The following RAD51B variants were observed in gnomAD, a reference collection of about 807,000 sequenced individuals.
RAD51B encodes DNA repair protein RAD51 homolog 2.
RAD51B carries 38 observed loss-of-function variants against 42.2 expected under a neutral mutation model. The ratio of observed to expected loss-of-function variants is 0.90; its 90% CI spans 0.70 to 1.18. The LOEUF (loss-of-function observed/expected upper bound fraction) is 1.18. Ranked by LOEUF, RAD51B falls within the 50% of genes most tolerant of loss-of-function variation. The pLI is 0.00. For synonymous variants in RAD51B, 154 were observed against 145.2 expected (o/e 1.06, Z -0.43); for missense variants, 373 against 400.7 (o/e 0.93, Z 0.59).
intron 10 of RAD51B, among the ~76,000 whole-genome samples, chr14:68,633,731 G>A (rs992182626): frequency 6.6e-6 from 1 of 152,260 alleles, no homozygotes; most frequent in Non-Finnish European, 1.5e-5. Flanking sequence ...GCTGGAGCTC[G>A]TGGGGCTACC....
chr14:68,637,008 T>A (rs937065263), intron 10 of RAD51B, among the ~76,000 whole-genome samples: 6 of 152,252 alleles, frequency 3.9e-5, no homozygotes, highest in Admixed American at 6.5e-5. Flanking sequence ...ATTTTGTTTT[T>A]ATTTGTTGAT....
chr14:67,882,397 A>T (rs2042934560), intron 5 of RAD51B, among the ~76,000 whole-genome samples: 1 of 152,176 alleles, frequency 6.6e-6, no homozygotes, highest in Admixed American at 6.5e-5. Flanking sequence ...GAATCCCAGA[A>T]CTCAGTCCTA....
chr14:68,454,362 A>C (rs1341627398), intron 9 of RAD51B, among the ~76,000 whole-genome samples: 1 of 152,242 alleles, frequency 6.6e-6, no homozygotes, highest in African/African-American at 2.4e-5. Context: ...AACTTAAAAA[A>C]AACTTCTTCA....
intron 8 of RAD51B, among the ~76,000 whole-genome samples, chr14:68,372,587 A>C (rs1335685740): frequency 1.3e-5 from 2 of 152,182 alleles, no homozygotes; most frequent in African/African-American, 4.8e-5. Flanking sequence ...CTAAGAATGG[A>C]GTACATCACA....
chr14:68,302,257 T>C (rs1298391518), intron 8 of RAD51B, among the ~76,000 whole-genome samples: 5 of 152,118 alleles, frequency 3.3e-5, no homozygotes, highest in Non-Finnish European at 7.4e-5. Flanking sequence ...AAGCTCACAA[T>C]CAGGGGAGGG....
chr14:67,950,680 T>G (rs747571187), intron 7 of RAD51B, among the ~76,000 whole-genome samples: 1 of 152,250 alleles, frequency 6.6e-6, no homozygotes, highest in Non-Finnish European at 1.5e-5. Flanking sequence ...GTTTTTGCCC[T>G]GATTCAGCTT....
Position 68,244,946 on chromosome 14 carries a change from G to C in RAD51B, c.757-46938G>C, listed in dbSNP as rs182838483. 4.5e-3 allele frequency among the ~76,000 whole-genome samples: 692 copies of C among 152,294 alleles called. 3 individuals carry two copies. Among genetic ancestry groups the C allele is most frequent in the Middle Eastern group, 0.01 (3 of 294 alleles). ...AAGAAAACAATGTCCTAACATTTGG[G>C]TAGATGAATGGCATGGTAGAAAAGC... On this transcript the variant is annotated intron_variant, in intron 7 of 10. Transcript: ENST00000471583.
At chr14:68,274,467 A>G (rs1417342581) in intron 7 of RAD51B, among the ~76,000 whole-genome samples, 1 of 152,156 alleles carries the variant, frequency 6.6e-6, no homozygotes, top group East Asian at 1.9e-4. Context: ...AACAAAATTA[A>G]CAATTCATTA....
chr14:67,905,389 A>G (rs1359012291), intron 7 of RAD51B, among the ~76,000 whole-genome samples: 1 of 151,890 alleles, frequency 6.6e-6, no homozygotes, highest in Non-Finnish European at 1.5e-5. Context: ...TTTGCTTAGG[A>G]TTGCTTTGGC....
chr14:68,563,312 C>G (rs542636662), intron 10 of RAD51B: 4 of 985,372 alleles, frequency 4.1e-6, no homozygotes, highest in Non-Finnish European at 4.8e-6. Context: ...GTTCTCTCCT[C>G]GGGGCGTGCT....
At chr14:68,467,573 C>T (rs1566900871) in intron 9 of RAD51B, among the ~76,000 whole-genome samples, 1 of 152,248 alleles carries the variant, frequency 6.6e-6, no homozygotes, top group African/African-American at 2.4e-5. Flanking sequence ...TTTGAGGCCT[C>T]GGCTGGGAAC....
intron 7 of RAD51B, among the ~76,000 whole-genome samples, chr14:67,920,246 ATAAAG>A (rs1425447195): frequency 1.3e-5 from 2 of 152,198 alleles, no homozygotes; most frequent in Admixed American, 1.3e-4. Flanking sequence ...ACTTATGCCA[ATAAAG>A]TAATGTTCTT....
intron 7 of RAD51B, among the ~76,000 whole-genome samples, chr14:68,242,543 C>T (rs868350517): frequency 3.9e-5 from 6 of 152,284 alleles, no homozygotes; most frequent in African/African-American, 1.2e-4. Flanking sequence ...CTCTAACGTT[C>T]AAACAGAGGA....
chr14:68,533,531 G>A (rs1887438046), intron 10 of RAD51B, among the ~76,000 whole-genome samples: 1 of 152,206 alleles, frequency 6.6e-6, no homozygotes, highest in Admixed American at 6.5e-5. Context: ...ATTGTAATGA[G>A]AAGGAAGACA....
intron 7 of RAD51B, among the ~76,000 whole-genome samples, chr14:68,260,316 T>C (rs1170291896): frequency 1.6e-5 from 2 of 126,404 alleles, no homozygotes; most frequent in East Asian, 4.1e-4. Context: ...TGTGTGTGTG[T>C]GTGGAGAGGG....
chr14:68,200,773 C>T (rs1012321976), intron 7 of RAD51B, among the ~76,000 whole-genome samples: 1 of 152,166 alleles, frequency 6.6e-6, no homozygotes, highest in African/African-American at 2.4e-5. Context: ...CCCACCTCAG[C>T]CTCCCAAGTA....
At chr14:68,261,971 C>T (rs985528170) in intron 7 of RAD51B, among the ~76,000 whole-genome samples, 8 of 151,280 alleles carry the variant, frequency 5.3e-5, no homozygotes, top group African/African-American at 1.9e-4. Flanking sequence ...CTGGGTGAGA[C>T]TGTTTGTACT....
intron 7 of RAD51B, among the ~76,000 whole-genome samples, chr14:68,273,827 C>A (rs899226106): frequency 1.3e-5 from 2 of 152,178 alleles, no homozygotes; most frequent in African/African-American, 4.8e-5. Context: ...GTTGGGATTA[C>A]AGGTGTGAGC....
chr14:68,046,429 G>T (rs2076301316), intron 7 of RAD51B, among the ~76,000 whole-genome samples: 1 of 152,174 alleles, frequency 6.6e-6, no homozygotes, highest in Non-Finnish European at 1.5e-5. Flanking sequence ...AAAACTTTTA[G>T]AGCCATCTTC....
Sources: gnomAD v4.1 joint callset for allele counts (sites outside exome capture counted in the v4.1 genomes callset) on GRCh38, gnomAD v4.1.1 for gene constraint, MANE v1.5 for transcripts, NCBI Gene and HGNC (gene_info 2026-07-23, HGNC 2026-07-21) for gene names.